Variants in LRRC28 observed in about 807,000 individuals in gnomAD.
The protein encoded by LRRC28 is leucine-rich repeat-containing protein 28.
Under a neutral mutation model 45.7 loss-of-function variants are expected in LRRC28, and 39 were observed. That is an observed-to-expected ratio of 0.85 (90% CI 0.66 to 1.12). The LOEUF is 1.12. LRRC28 is among the 50% of genes most tolerant of loss of function. The pLI is 0.00. For synonymous variants in LRRC28, 206 were observed against 178.8 expected (o/e 1.15, Z -1.22); for missense variants, 435 against 438.5 (o/e 0.99, Z 0.07).
At chr15:99,280,113 G>T (rs1453533090) in intron 3 of LRRC28, among the ~76,000 whole-genome samples, 2 of 151,690 alleles carry the variant, frequency 1.3e-5, no homozygotes. Context: ...TCTTTTTTTG[G>T]TGAAATGCCT....
intron 9 of LRRC28, among the ~76,000 whole-genome samples, chr15:99,376,641 C>T (rs981118792): frequency 1.4e-4 from 22 of 152,074 alleles, no homozygotes; most frequent in African/African-American, 5.3e-4. Context: ...CTCATTAACT[C>T]ATTATTTACA....
intron 2 of LRRC28, chr15:99,259,666 A>G (rs1159797381): frequency 2.9e-6 from 4 of 1,401,590 alleles, no homozygotes; most frequent in South Asian, 1.2e-5. Context: ...GGAAGAAAAC[A>G]TTTGAAATTA....
At chr15:99,257,941 T>G in intron 2 of LRRC28, 1 of 774,106 alleles carries the variant, frequency 1.3e-6, no homozygotes, top group Non-Finnish European at 2.4e-6. Context: ...CTTAGAGAAC[T>G]GATTCTGACG....
intron 9 of LRRC28, among the ~76,000 whole-genome samples, chr15:99,376,875 C>T (rs1053662397): frequency 2.0e-5 from 3 of 152,186 alleles, no homozygotes; most frequent in Non-Finnish European, 4.4e-5. Context: ...GACATGAACT[C>T]ATCCTTTTTT....
intron 2 of LRRC28, among the ~76,000 whole-genome samples, chr15:99,274,962 T>C (rs1330989996): frequency 6.6e-6 from 1 of 152,236 alleles, no homozygotes; most frequent in East Asian, 1.9e-4. Context: ...TCCTGATTCA[T>C]TATTATTGAT....
chr15:99,283,615 C>CAAAA (rs59399248), intron 3 of LRRC28, among the ~76,000 whole-genome samples: 4 of 89,848 alleles, frequency 4.5e-5, no homozygotes, highest in Admixed American at 1.3e-4. Flanking sequence ...GACTCCTTCT[C>CAAAA]AAAAAAAAAA....
intron 3 of LRRC28, chr15:99,285,024 ATCTCTT>A: frequency 1.5e-6 from 1 of 649,738 alleles, no homozygotes; most frequent in South Asian, 1.4e-5. Context: ...AGCACTAGCC[ATCTCTT>A]GGCTTTGATG....
intron 5 of LRRC28, among the ~76,000 whole-genome samples, chr15:99,298,393 TG>T (rs2082319815): frequency 6.6e-6 from 1 of 152,158 alleles, no homozygotes; most frequent in South Asian, 2.1e-4. Flanking sequence ...TGATTTGGTT[TG>T]GGTATTTTCC....
chr15:99,350,142 CA>C (rs71149462), intron 6 of LRRC28, among the ~76,000 whole-genome samples: 87 of 97,880 alleles, frequency 8.9e-4, no homozygotes, highest in East Asian at 1.3e-3. Flanking sequence ...GACTCCGTCT[CA>C]AAAAAAAAAA....
chr15:99,354,168 A>G (rs1035356250), intron 7 of LRRC28, among the ~76,000 whole-genome samples: 3 of 152,220 alleles, frequency 2.0e-5, no homozygotes, highest in Non-Finnish European at 4.4e-5. Context: ...CTGTTGGTTT[A>G]AATCAAAACT....
intron 2 of LRRC28, among the ~76,000 whole-genome samples, chr15:99,263,392 T>G (rs976975534): frequency 8.5e-5 from 13 of 152,190 alleles, no homozygotes; most frequent in Admixed American, 3.9e-4. Context: ...GAAAATGTTT[T>G]AAATACTTTT....
chr15:99,278,721 C>T (rs2081691812), intron 3 of LRRC28, among the ~76,000 whole-genome samples: 1 of 152,206 alleles, frequency 6.6e-6, no homozygotes. Flanking sequence ...AAAGAATAAA[C>T]ATTCAGTGTC....
Position 99,386,467 on chromosome 15 carries a change from C to T in LRRC28, c.*365C>T, listed in dbSNP as rs1394726576. 2.0e-5 allele frequency: 3 copies of T among 149,116 alleles called. No homozygotes were observed. The highest frequency in any genetic ancestry group is 1.6e-4 in the East Asian group (1 of 6,304). 9.2% of individuals were successfully genotyped at this position (149,116 alleles called of 1,614,324 possible). A position where few individuals can be genotyped will look rare whatever the true frequency, so the allele number is the denominator to read the frequency against. ...TTGAACACACATACCTTCAGTGATG[C>T]TTCCTCTCCTCTCCCCTCCCTTGCT... is the stretch of plus-strand genomic sequence containing the variant. On this transcript the variant is annotated 3_prime_UTR_variant, in exon 10 of 10. Transcript: ENST00000301981.
At chr15:99,352,284 T>G (rs113136321) in intron 6 of LRRC28, 85 bp from the exon 7 acceptor site, 3 of 918,718 alleles carry the variant, frequency 3.3e-6, no homozygotes, top group African/African-American at 3.4e-5. Context: ...CTTCGAATAT[T>G]TCTAATACTA....
intron 2 of LRRC28, among the ~76,000 whole-genome samples, chr15:99,274,128 C>G (rs190408483): frequency 1.3e-5 from 2 of 152,132 alleles, no homozygotes; most frequent in African/African-American, 2.4e-5. Context: ...TCACAGCTTT[C>G]AGCATTTGAA....
intron 6 of LRRC28, among the ~76,000 whole-genome samples, chr15:99,336,558 C>T (rs1441817061): frequency 2.0e-5 from 3 of 152,174 alleles, no homozygotes; most frequent in Non-Finnish European, 4.4e-5. Context: ...TTGACACTCT[C>T]GTTGGCCTCA....
At chr15:99,341,583 A>AT (rs1159582279) in intron 6 of LRRC28, among the ~76,000 whole-genome samples, 2 of 152,188 alleles carry the variant, frequency 1.3e-5, no homozygotes, top group African/African-American at 4.8e-5. Flanking sequence ...AAATGAACAA[A>AT]TTTGTATTTT....
At chr15:99,328,615 G>A (rs1956060558) in intron 5 of LRRC28, among the ~76,000 whole-genome samples, 1 of 150,630 alleles carries the variant, frequency 6.6e-6, no homozygotes, top group South Asian at 2.1e-4. Flanking sequence ...AGTCTGTGAG[G>A]TAGTTTCCAG....
chr15:99,265,870 T>C (rs1443079346), intron 2 of LRRC28, among the ~76,000 whole-genome samples: 2 of 152,198 alleles, frequency 1.3e-5, no homozygotes, highest in East Asian at 3.9e-4. Context: ...GCAAAATCAC[T>C]TAATGAATCT....
Sources: gnomAD v4.1 joint callset for allele counts (sites outside exome capture counted in the v4.1 genomes callset) on GRCh38, gnomAD v4.1.1 for gene constraint, MANE v1.5 for transcripts, NCBI Gene and HGNC (gene_info 2026-07-23, HGNC 2026-07-21) for gene names.